The following TPST1 variants were observed in gnomAD, a reference collection of about 807,000 sequenced individuals.
TPST1 encodes the protein protein-tyrosine sulfotransferase 1.
In TPST1, 20 loss-of-function variants were observed where a neutral mutation model predicts 34.8. The ratio of observed to expected loss-of-function variants is 0.57; its 90% CI spans 0.40 to 0.84. The LOEUF (loss-of-function observed/expected upper bound fraction) is 0.84, where lower values mean the gene tolerates loss of function less well. Among genes scored for constraint, TPST1 ranks in the 40% least tolerant of loss-of-function variants. The pLI, the probability that TPST1 is intolerant of heterozygous loss-of-function variation, is 0.00. For missense variants in TPST1, 353 were observed against 455.5 expected (o/e 0.78, Z 2.05); for synonymous variants, 152 against 159.4 (o/e 0.95, Z 0.35).
At chr7:66,307,594 C>T (rs752432276) in intron 3 of TPST1, among the ~76,000 whole-genome samples, 5 of 152,194 alleles carry the variant, frequency 3.3e-5, no homozygotes, top group Admixed American at 1.3e-4. Context: ...GGAAGCGGTC[C>T]AGTGTGATCA....
In TPST1 at chr7:66,227,561, T is replaced by G. The variant is rs1452598195; in HGVS notation, c.-101-12764T>G. Among the ~76,000 whole-genome samples the G allele has an allele frequency of 3.3e-5, 5 of 151,970 alleles. No individual in the cohort carries two copies. In the South Asian group the frequency reaches 1.0e-3, roughly 32 times the overall value. ...CCTCAGCTTCCCCAGTCCTTTTGTT[T>G]TATAAAAACAAGGACCCCTCTGGAT... On this transcript the variant is annotated intron_variant, in intron 1 of 5. Coordinates refer to ENST00000304842, the MANE Select transcript of TPST1 (RefSeq NM_003596.4).
At chr7:66,215,880 C>T (rs1789395785) in intron 1 of TPST1, among the ~76,000 whole-genome samples, 1 of 149,476 alleles carries the variant, frequency 6.7e-6, no homozygotes, top group Non-Finnish European at 1.5e-5. Flanking sequence ...TCACGCCATT[C>T]TCCTGCCTCG....
chr7:66,233,328 T>C (rs1789838463), intron 1 of TPST1, among the ~76,000 whole-genome samples: 1 of 152,246 alleles, frequency 6.6e-6, no homozygotes, highest in Non-Finnish European at 1.5e-5. Context: ...AAGAGTTTTA[T>C]GGTTTTAGCT....
chr7:66,241,402 C>T (rs2116411154), intron 2 of TPST1, 132 bp downstream of exon 2: 1 of 1,074,446 alleles, frequency 9.3e-7, no homozygotes, highest in South Asian at 2.5e-5. Context: ...AAGACCTTTT[C>T]TGGAACAGAT....
intron 3 of TPST1, among the ~76,000 whole-genome samples, chr7:66,300,511 T>C (rs1791292969): frequency 6.6e-6 from 1 of 152,216 alleles, no homozygotes; most frequent in African/African-American, 2.4e-5. Flanking sequence ...TTTGACCTCC[T>C]CCCATGAATT....
At chr7:66,306,389 C>A (rs1791423688) in intron 3 of TPST1, among the ~76,000 whole-genome samples, 1 of 152,158 alleles carries the variant, frequency 6.6e-6, no homozygotes, top group Non-Finnish European at 1.5e-5. Flanking sequence ...AAGGTGAGAC[C>A]CGTGTAGGTG....
rs1363056 is a variant in TPST1, at chr7:66,352,486, G to T, written c.1045-19G>T. The T allele has an allele frequency of 2.5e-5, 40 of 1,610,218 alleles. No individual in the cohort carries two copies. The African/African-American group carries it at 4.2e-4, about 17-fold the overall frequency. ...ACTGGACCTGTTGCCTTAAACTCAC[G>T]CCTGCTTTGTTTTTCCAGGTCTATA... On this transcript the variant is annotated intron_variant, in intron 3 of 5. Transcript: ENST00000304842.
At chr7:66,201,321 A>G (rs1789033611), upstream of TPST1, among the ~76,000 whole-genome samples, 1 of 150,228 alleles carries the variant, frequency 6.7e-6, no homozygotes, top group African/African-American at 2.5e-5. Context: ...GCGTTGGAGG[A>G]CTGCTTGAGC....
intron 2 of TPST1, among the ~76,000 whole-genome samples, chr7:66,254,110 G>A (rs1380953812): frequency 1.3e-5 from 2 of 151,548 alleles, no homozygotes; most frequent in Non-Finnish European, 2.9e-5. Flanking sequence ...AAACCCTTTG[G>A]TCCTCCGTAT....
At chr7:66,273,718 T>TGA (rs1790747949) in intron 2 of TPST1, among the ~76,000 whole-genome samples, 2 of 152,038 alleles carry the variant, frequency 1.3e-5, no homozygotes, top group African/African-American at 4.8e-5. Context: ...GATATCCACA[T>TGA]GAGAAGAATG....
intron 4 of TPST1, chr7:66,352,799 T>C: frequency 2.5e-5 from 25 of 985,444 alleles, no homozygotes; most frequent in Non-Finnish European, 3.0e-5. Flanking sequence ...GGAAATACTT[T>C]ATTGATAACC....
chr7:66,252,357 CTT>C (rs1396946200), intron 2 of TPST1, among the ~76,000 whole-genome samples: 9 of 88,366 alleles, frequency 1.0e-4, no homozygotes, highest in Admixed American at 1.3e-4. Flanking sequence ...CGCGCCCAGC[CTT>C]TTTTTTTTTT....
At position 66,328,906 on chromosome 7, in the gene TPST1, A is replaced by ATATATTT. The variant is rs1299138303; in HGVS notation, c.1045-23598_1045-23597insATATTTT. 2.4e-3 allele frequency among the ~76,000 whole-genome samples: 32 copies of ATATATTT among 13,150 alleles called. 2 individuals are homozygous for ATATATTT. Among genetic ancestry groups the ATATATTT allele is most frequent in the African/African-American group, 4.5e-3 (8 of 1,772 alleles). The allele number at this position is 13,150 out of a possible 152,430, so 8.6% of individuals were successfully genotyped here. On this transcript the variant is annotated intron_variant, in intron 3 of 5. Transcript: ENST00000304842. ...TCTCTCTATATATATATATATATAT[A>ATATATTT]TTTTTTTTTTTTTTTTTTTTTTTGA...
intron 2 of TPST1, among the ~76,000 whole-genome samples, chr7:66,254,490 G>A (rs189867965): frequency 3.3e-5 from 5 of 152,070 alleles, no homozygotes; most frequent in South Asian, 2.1e-4. Context: ...TGCAACCTCC[G>A]CCTCCCGGAT....
intron 3 of TPST1, among the ~76,000 whole-genome samples, chr7:66,338,061 C>CAA (rs1309724194): frequency 6.6e-6 from 1 of 152,078 alleles, no homozygotes; most frequent in Non-Finnish European, 1.5e-5. Flanking sequence ...GATTAAAAAA[C>CAA]AAGACCCATC....
intron 1 of TPST1, among the ~76,000 whole-genome samples, chr7:66,226,450 C>T (rs976719078): frequency 2.0e-5 from 3 of 152,064 alleles, no homozygotes; most frequent in Admixed American, 6.6e-5. Flanking sequence ...ATCTAAAGAC[C>T]CCTCTTAGGA....
At chr7:66,254,776 A>G (rs1469437925) in intron 2 of TPST1, among the ~76,000 whole-genome samples, 1 of 152,220 alleles carries the variant, frequency 6.6e-6, no homozygotes, top group African/African-American at 2.4e-5. Context: ...TTGTATATCT[A>G]TATCCCGCAG....
chr7:66,199,997 T>G, the TPST1 span, among the ~76,000 whole-genome samples: 1 of 152,202 alleles, frequency 6.6e-6, no homozygotes, highest in African/African-American at 2.4e-5. Flanking sequence ...CCCAAAGTGC[T>G]GGGATTACAG....
chr7:66,229,627 T>C (rs1484039237), intron 1 of TPST1, among the ~76,000 whole-genome samples: 1 of 152,220 alleles, frequency 6.6e-6, no homozygotes, highest in Non-Finnish European at 1.5e-5. Context: ...TAGGGTTTCA[T>C]TTACTAGGAT....
Sources: allele counts gnomAD v4.1 joint callset (sites outside exome capture counted in the v4.1 genomes callset), GRCh38; gene constraint gnomAD v4.1.1; transcripts MANE v1.5; gene names NCBI Gene and HGNC (gene_info 2026-07-23, HGNC 2026-07-21).